The following TBL1X variants were observed in gnomAD, a reference collection of about 807,000 sequenced individuals.
TBL1X encodes the protein transducin beta like 1 X-linked.
In TBL1X, 10 loss-of-function variants were observed where a neutral mutation model predicts 50.7. The ratio of observed to expected loss-of-function variants is 0.20; its 90% CI spans 0.12 to 0.33. The LOEUF is 0.33. TBL1X is among the 10% of genes least tolerant of loss of function. The pLI is 1.00. For missense variants in TBL1X, 340 were observed against 504.4 expected, an observed-to-expected ratio of 0.67 and a Z score of 3.12; for synonymous variants, 190 against 214.7, an observed-to-expected ratio of 0.88 and a Z score of 1.01.
In TBL1X at chrX:9,717,080, C is replaced by G. The variant is rs910583405; in HGVS notation, c.*834C>G. 5 of 109,672 alleles carry G rather than the reference C, an allele frequency of 4.6e-5. No individual in the cohort carries two copies. The highest frequency in any genetic ancestry group is 1.7e-4 in the African/African-American group (5 of 29,950). 9.0% of individuals were successfully genotyped at this position (109,672 alleles called of 1,213,427 possible). On this transcript the variant is annotated 3_prime_UTR_variant, in exon 18 of 18. Transcript: ENST00000645353. ...GCGCTCGCTTTCTCACTGGCGTGCT[C>G]TCTTTCTCTCTCTCTCTCCCTCTGT...
chrX:9,606,573 G>A (rs1449699112), intron 2 of TBL1X, among the ~76,000 whole-genome samples: 1 of 111,033 alleles, frequency 9.0e-6, no homozygotes, highest in Non-Finnish European at 1.9e-5. Flanking sequence ...GCTGGAACTC[G>A]GGAGGCTGAG....
At chrX:9,516,775 A>G (rs1189192651) in intron 2 of TBL1X, among the ~76,000 whole-genome samples, 1 of 111,975 alleles carries the variant, frequency 8.9e-6, no homozygotes, top group Admixed American at 9.5e-5. Flanking sequence ...TGAAAAGCAT[A>G]CTTCTGGTTA....
chrX:9,492,874 T>TA (rs770480621), intron 1 of TBL1X, among the ~76,000 whole-genome samples: 703 of 48,705 alleles, frequency 0.014, 10 homozygotes, highest in African/African-American at 0.023. Flanking sequence ...TGTGTGTGTG[T>TA]GTGTGTGTGT....
chrX:9,585,340 T>TCCCCCCCCCCCC (rs397840236), intron 2 of TBL1X, among the ~76,000 whole-genome samples: 3 of 58,133 alleles, frequency 5.2e-5, no homozygotes, highest in African/African-American at 6.3e-5. Flanking sequence ...CCCCCTCCCC[T>TCCCCCCCCCCCC]CCCCCCCCCG....
intron 2 of TBL1X, among the ~76,000 whole-genome samples, chrX:9,615,704 AT>A (rs912386198): frequency 2.7e-5 from 3 of 111,851 alleles, no homozygotes; most frequent in Non-Finnish European, 5.6e-5. Flanking sequence ...AGTAGTGAAG[AT>A]TTTCACTGTG....
intron 2 of TBL1X, among the ~76,000 whole-genome samples, chrX:9,544,976 G>A (rs1005576065): frequency 2.5e-4 from 26 of 102,220 alleles, no homozygotes; most frequent in South Asian, 1.3e-3. Context: ...GAAATCCAAG[G>A]TTTATGTAGT....
intron 13 of TBL1X, among the ~76,000 whole-genome samples, chrX:9,706,975 A>G (rs1186600031): frequency 9.0e-6 from 1 of 111,545 alleles, no homozygotes; most frequent in Admixed American, 9.5e-5. Flanking sequence ...CCTACTGCCC[A>G]CATGAATGCC....
At chrX:9,628,968 C>T in intron 2 of TBL1X, among the ~76,000 whole-genome samples, 1 of 112,779 alleles carries the variant, frequency 8.9e-6, no homozygotes, top group Admixed American at 9.3e-5. Flanking sequence ...CATCCAGGGA[C>T]CAAAACCTGT....
At chrX:9,529,780 CAA>C (rs60004258) in intron 2 of TBL1X, among the ~76,000 whole-genome samples, 6,328 of 80,585 alleles carry the variant, frequency 0.079, 613 homozygotes, top group African/African-American at 0.26. Context: ...CTGTCTCTAC[CAA>C]AAAAAAAAAA....
At chrX:9,530,631 T>G (rs2082155390) in intron 2 of TBL1X, among the ~76,000 whole-genome samples, 1 of 112,343 alleles carries the variant, frequency 8.9e-6, no homozygotes, top group South Asian at 3.7e-4. Context: ...CGCTAAAATA[T>G]TTACATGTTT....
intron 2 of TBL1X, among the ~76,000 whole-genome samples, chrX:9,575,707 G>A (rs1037827242): frequency 1.9e-4 from 21 of 112,068 alleles, no homozygotes; most frequent in Non-Finnish European, 2.8e-4. Flanking sequence ...TACACGATTG[G>A]CTAACTTCCA....
At chrX:9,632,156 C>CT (rs1276091119) in intron 2 of TBL1X, among the ~76,000 whole-genome samples, 3 of 111,874 alleles carry the variant, frequency 2.7e-5, no homozygotes, top group African/African-American at 9.7e-5. Flanking sequence ...TTGATTGTGT[C>CT]TTGTTGGGGT....
Position 9,474,938 on chromosome X carries a change from A to G in TBL1X, c.-201+9491A>G, listed in dbSNP as rs147543795. On this transcript the variant is annotated intron_variant, in intron 1 of 17. Transcript: ENST00000645353. The stretch of plus-strand genomic sequence containing the variant: ...GCCTAGGCTAGAGTGTAGTGGCGTG[A>G]TCTCAGCTCACTGCAACCTCCGCCT... Among the ~76,000 whole-genome samples, 1,103 of 112,144 alleles carry G rather than the reference A, an allele frequency of 9.8e-3. 17 individuals are homozygous for G. The highest frequency in any genetic ancestry group is 0.034 in the African/African-American group (1,063 of 30,844).
At chrX:9,465,599 A>G (rs1053724629) in intron 1 of TBL1X, among the ~76,000 whole-genome samples, 152 bp downstream of exon 1, 10 of 112,002 alleles carry the variant, frequency 8.9e-5, no homozygotes, top group Admixed American at 1.8e-4. Context: ...CAGGTCGCCA[A>G]CTGTCCCCGC....
intron 2 of TBL1X, among the ~76,000 whole-genome samples, chrX:9,554,146 G>T (rs2082283852): frequency 8.9e-6 from 1 of 112,440 alleles, no homozygotes; most frequent in African/African-American, 3.2e-5. Flanking sequence ...CTCCCAAAGT[G>T]CTGGGATTAG....
In TBL1X at chrX:9,676,839, T is replaced by G. The variant is rs902271293; in HGVS notation, c.212-7204T>G. ...GGCAAAAAGAATTCTCCCCAGCATATTTTTTTTTCTTTTTACCATGGATGT... is the reference window on the plus strand; with the variant it reads ...GGCAAAAAGAATTCTCCCCAGCATAGTTTTTTTTCTTTTTACCATGGATGT... On this transcript the variant is annotated intron_variant, in intron 5 of 17. Transcript: ENST00000645353. Among the ~76,000 whole-genome samples, 3 of 111,063 alleles carry G rather than the reference T, an allele frequency of 2.7e-5. No homozygotes were observed. The Admixed American group carries it at 2.9e-4, about 11-fold the overall frequency.
chrX:9,504,666 G>A (rs753468338), intron 2 of TBL1X, among the ~76,000 whole-genome samples: 4 of 112,159 alleles, frequency 3.6e-5, no homozygotes, highest in African/African-American at 6.5e-5. Flanking sequence ...CACAAGTATC[G>A]TGAAGCATAA....
chrX:9,661,005 C>T (rs1210191403), intron 5 of TBL1X, among the ~76,000 whole-genome samples: 2 of 111,924 alleles, frequency 1.8e-5, no homozygotes, highest in Non-Finnish European at 3.8e-5. Context: ...ATCTATGAAT[C>T]GGGAAGCGGG....
intron 1 of TBL1X, among the ~76,000 whole-genome samples, chrX:9,501,529 C>G (rs2082001244): frequency 9.0e-6 from 1 of 110,905 alleles, no homozygotes; most frequent in Non-Finnish European, 1.9e-5. Context: ...GCTGCCTTCT[C>G]CACTGTTGCA....
Sources: allele counts gnomAD v4.1 joint callset (sites outside exome capture counted in the v4.1 genomes callset), GRCh38; gene constraint gnomAD v4.1.1; transcripts MANE v1.5; gene names NCBI Gene and HGNC (gene_info 2026-07-23, HGNC 2026-07-21).